Variants in AKAP19 observed in about 807,000 individuals in gnomAD.
The protein encoded by AKAP19 is small A-kinase anchoring protein.
chr2:190,021,390 A>C, the AKAP19 span, among the ~76,000 whole-genome samples: 2 of 152,222 alleles, frequency 1.3e-5, no homozygotes, highest in Non-Finnish European at 2.9e-5. Context: ...TGTATTCCCT[A>C]GTAGTTTGTT....
chr2:189,925,785 G>A, the AKAP19 span, among the ~76,000 whole-genome samples: 2 of 152,082 alleles, frequency 1.3e-5, no homozygotes, highest in Admixed American at 1.3e-4. Context: ...TAAAGGAAGA[G>A]GGCATGCAAG....
the AKAP19 span, among the ~76,000 whole-genome samples, chr2:189,967,817 C>T: frequency 6.7e-6 from 1 of 149,834 alleles, no homozygotes; most frequent in Non-Finnish European, 1.5e-5. Context: ...ATAATGAGAC[C>T]CCATCTCTAA....
the AKAP19 span, among the ~76,000 whole-genome samples, chr2:190,140,546 CTGCCAAGGCTTGGAGCT>C: frequency 6.6e-6 from 1 of 152,332 alleles, no homozygotes; most frequent in East Asian, 1.9e-4. Flanking sequence ...CATGTGGAAG[CTGCCAAGGCTTGGAGCT>C]TGCACCCTCT....
At chr2:190,109,461 G>T in the AKAP19 span, among the ~76,000 whole-genome samples, 1 of 151,732 alleles carries the variant, frequency 6.6e-6, no homozygotes, top group East Asian at 1.9e-4. Context: ...CAATCCCTCC[G>T]CATGGGGTAG....
the AKAP19 span, among the ~76,000 whole-genome samples, chr2:189,920,052 C>T: frequency 1.3e-5 from 2 of 152,224 alleles, no homozygotes; most frequent in East Asian, 3.8e-4. Context: ...TTTGCTGTGG[C>T]TTAATCAGGA....
chr2:190,013,327 T>C, the AKAP19 span, among the ~76,000 whole-genome samples: 3 of 152,300 alleles, frequency 2.0e-5, no homozygotes, highest in South Asian at 6.2e-4. Flanking sequence ...TCTTCATGAT[T>C]CAGCCTTGGT....
the AKAP19 span, among the ~76,000 whole-genome samples, chr2:190,084,289 T>C: frequency 3.3e-5 from 5 of 151,914 alleles, no homozygotes; most frequent in South Asian, 2.1e-4. Flanking sequence ...GACAGGGTTT[T>C]ACCATGTTGG....
At chr2:189,882,746 G>A in the AKAP19 span, among the ~76,000 whole-genome samples, 1 of 152,014 alleles carries the variant, frequency 6.6e-6, no homozygotes. Flanking sequence ...ACTGTTTTAG[G>A]GTAAAGATCT....
the AKAP19 span, among the ~76,000 whole-genome samples, chr2:190,041,004 G>A: frequency 2.6e-5 from 4 of 152,118 alleles, no homozygotes; most frequent in African/African-American, 4.8e-5. Context: ...TTGGCTATTC[G>A]GTCTCTTTTT....
At chr2:189,905,499 A>G in the AKAP19 span, among the ~76,000 whole-genome samples, 3 of 152,024 alleles carry the variant, frequency 2.0e-5, no homozygotes, top group Non-Finnish European at 2.9e-5. Context: ...CAGATAAGGT[A>G]GTTTTAGATT....
the AKAP19 span, among the ~76,000 whole-genome samples, chr2:190,187,213 T>A: frequency 6.6e-6 from 1 of 152,216 alleles, no homozygotes; most frequent in African/African-American, 2.4e-5. Context: ...TTTATATATT[T>A]ACATTAATTC....
chr2:190,136,705 T>C, the AKAP19 span, among the ~76,000 whole-genome samples: 1 of 150,998 alleles, frequency 6.6e-6, no homozygotes, highest in Admixed American at 6.7e-5. Flanking sequence ...CTCCCACCAC[T>C]CTGACCAATC....
At chr2:190,073,635 C>T in the AKAP19 span, among the ~76,000 whole-genome samples, 2 of 152,148 alleles carry the variant, frequency 1.3e-5, no homozygotes, top group African/African-American at 4.8e-5. Flanking sequence ...ATACTGAGTC[C>T]TCCTATTCAA....
the AKAP19 span, among the ~76,000 whole-genome samples, chr2:190,089,100 G>A: frequency 6.6e-6 from 1 of 152,260 alleles, no homozygotes; most frequent in Non-Finnish European, 1.5e-5. Context: ...TTGATTGTGT[G>A]CAAATCACAG....
chr2:190,195,995 G>A, the AKAP19 span, among the ~76,000 whole-genome samples: 273 of 126,652 alleles, frequency 2.2e-3, 1 homozygote, highest in African/African-American at 7.9e-3. Context: ...TCCAGCACTC[G>A]TTGAAAAGAC....
chr2:190,043,299 T>C, the AKAP19 span, among the ~76,000 whole-genome samples: 480 of 152,334 alleles, frequency 3.2e-3, 1 homozygote, highest in Non-Finnish European at 5.3e-3. Flanking sequence ...TCCAAGTTGT[T>C]TGCTTTCTCC....
the AKAP19 span, among the ~76,000 whole-genome samples, chr2:189,952,430 A>AT: frequency 1.3e-4 from 19 of 145,692 alleles, no homozygotes; most frequent in East Asian, 3.9e-4. Flanking sequence ...AAATCATATC[A>AT]TTTTTTTTTT....
the AKAP19 span, among the ~76,000 whole-genome samples, chr2:190,033,191 G>T: frequency 6.6e-6 from 1 of 152,112 alleles, no homozygotes; most frequent in Non-Finnish European, 1.5e-5. Context: ...AAAAGAAACA[G>T]ACCTTTAATA....
chr2:190,017,888 GTC>G, the AKAP19 span, among the ~76,000 whole-genome samples: 4 of 152,084 alleles, frequency 2.6e-5, no homozygotes, highest in African/African-American at 9.7e-5. Context: ...GAAAGTTTTT[GTC>G]TCTTCCTCAT....
Sources: gnomAD v4.1 joint callset for allele counts (sites outside exome capture counted in the v4.1 genomes callset) on GRCh38, gnomAD v4.1.1 for gene constraint, MANE v1.5 for transcripts, NCBI Gene and HGNC (gene_info 2026-07-23, HGNC 2026-07-21) for gene names.